The following CNTN4 variants were observed in gnomAD, a reference collection of about 807,000 sequenced individuals.
The protein encoded by CNTN4 is contactin 4, also known as contactin-4.
CNTN4 carries 77 observed loss-of-function variants against 122.5 expected under a neutral mutation model. That is an observed-to-expected ratio of 0.63 (90% CI 0.52 to 0.76). CNTN4 has a LOEUF of 0.76. Ranked by LOEUF, CNTN4 falls within the 30% of genes least tolerant of loss-of-function variation. The pLI is 0.00. For synonymous variants in CNTN4, 512 were observed against 447.0 expected (o/e 1.15, Z -1.83); for missense variants, 1,256 against 1,259.1 (o/e 1.00, Z 0.04).
chr3:2,105,715 A>G (rs1559245575), intron 2 of CNTN4, among the ~76,000 whole-genome samples: 1 of 152,242 alleles, frequency 6.6e-6, no homozygotes, highest in African/African-American at 2.4e-5. Context: ...GAGCCAAACC[A>G]TATCATTCTG....
chr3:2,528,893 ATTAAG>A (rs2077495646), intron 3 of CNTN4, among the ~76,000 whole-genome samples: 1 of 152,090 alleles, frequency 6.6e-6, no homozygotes, highest in Non-Finnish European at 1.5e-5. Context: ...ATATATAGTG[ATTAAG>A]TTAGGTTAAT....
intron 2 of CNTN4, among the ~76,000 whole-genome samples, chr3:2,281,756 A>C (rs2149901104): frequency 6.6e-6 from 1 of 152,184 alleles, no homozygotes; most frequent in Non-Finnish European, 1.5e-5. Context: ...TAGTATAATT[A>C]TAGGAATTAA....
chr3:2,989,092 T>G (rs1030185586), intron 14 of CNTN4: 2 of 152,714 alleles, frequency 1.3e-5, no homozygotes, highest in African/African-American at 4.8e-5. Context: ...TGAGTGAAAC[T>G]ATTTCAATAT....
intron 14 of CNTN4, among the ~76,000 whole-genome samples, chr3:3,016,634 A>G (rs946933002): frequency 2.0e-4 from 30 of 152,196 alleles, no homozygotes; most frequent in African/African-American, 7.0e-4. Flanking sequence ...AGAGCATTCG[A>G]GCATCATTAG....
chr3:2,565,691 G>T lies in CNTN4; in HGVS notation c.-88-5725G>T, dbSNP rs183453129. ...GACATTCAACAAATATCTATTGACT[G>T]ATTGAACATTAAGATTTTACTGTAT... is the stretch of plus-strand genomic sequence containing the variant. On this transcript the variant is annotated intron_variant, in intron 3 of 24. Transcript: ENST00000418658. Among the ~76,000 whole-genome samples, 531 of 152,260 alleles carry T rather than the reference G, an allele frequency of 3.5e-3. 3 individuals carry two copies. The highest frequency in any genetic ancestry group is 0.012 in the African/African-American group (507 of 41,540).
At chr3:3,053,039 G>A (rs1007752832) in intron 23 of CNTN4, among the ~76,000 whole-genome samples, 3 of 152,108 alleles carry the variant, frequency 2.0e-5, no homozygotes, top group Non-Finnish European at 2.9e-5. Context: ...GCAATCTTTT[G>A]TATTTTTATA....
At chr3:2,883,610 A>G (rs553608670) in intron 9 of CNTN4, among the ~76,000 whole-genome samples, 3 of 152,348 alleles carry the variant, frequency 2.0e-5, no homozygotes, top group African/African-American at 7.2e-5. Context: ...GTGGAAAAAT[A>G]CGGACTTTCA....
intron 6 of CNTN4, among the ~76,000 whole-genome samples, chr3:2,816,820 CA>C (rs538762827): frequency 0.22 from 15,832 of 72,786 alleles, 428 homozygotes; most frequent in Middle Eastern, 0.25. Flanking sequence ...ACTCTGTCTC[CA>C]AAAAAAAAAA....
chr3:2,749,987 CT>C (rs1383570847), intron 6 of CNTN4, among the ~76,000 whole-genome samples: 1 of 152,188 alleles, frequency 6.6e-6, no homozygotes, highest in Non-Finnish European at 1.5e-5. Flanking sequence ...TTTGGCCACA[CT>C]TACTGCACTA....
intron 2 of CNTN4, among the ~76,000 whole-genome samples, chr3:2,117,342 C>T (rs1303840926): frequency 4.6e-5 from 7 of 152,212 alleles, no homozygotes; most frequent in Non-Finnish European, 7.3e-5. Flanking sequence ...AGGCCCCACA[C>T]TGGGCCTTTC....
intron 3 of CNTN4, among the ~76,000 whole-genome samples, chr3:2,427,889 G>C (rs1004148724): frequency 2.6e-4 from 40 of 151,028 alleles, no homozygotes; most frequent in African/African-American, 9.5e-4. Context: ...GACTAAGATT[G>C]CAACCCCTGC....
intron 2 of CNTN4, among the ~76,000 whole-genome samples, chr3:2,156,285 G>C (rs2149147582): frequency 6.6e-6 from 1 of 152,334 alleles, no homozygotes. Context: ...AACCTTGGAA[G>C]CCCAAGTGCT....
chr3:2,947,592 T>G (rs948193617), intron 13 of CNTN4, among the ~76,000 whole-genome samples: 3 of 152,262 alleles, frequency 2.0e-5, no homozygotes, highest in African/African-American at 7.2e-5. Context: ...CCCTGGAGAT[T>G]GTACTAATCT....
intron 2 of CNTN4, among the ~76,000 whole-genome samples, chr3:2,239,393 C>G (rs1379255863): frequency 6.6e-6 from 1 of 152,142 alleles, no homozygotes; most frequent in Non-Finnish European, 1.5e-5. Flanking sequence ...GATACATGCA[C>G]AGACACACAT....
chr3:2,245,511 C>T (rs1178183886), intron 2 of CNTN4, among the ~76,000 whole-genome samples: 2 of 152,030 alleles, frequency 1.3e-5, no homozygotes, highest in South Asian at 2.1e-4. Context: ...TCCTGCTATA[C>T]TTAATTTTCC....
intron 4 of CNTN4, among the ~76,000 whole-genome samples, chr3:2,719,671 GCTTGGGCCTCCCAA>G (rs2087719452): frequency 6.6e-6 from 1 of 152,078 alleles, no homozygotes; most frequent in African/African-American, 2.4e-5. Flanking sequence ...CGATCCGCCT[GCTTGGGCCTCCCAA>G]AGTGCTAGGA....
chr3:2,143,707 T>G (rs571012681), intron 2 of CNTN4, among the ~76,000 whole-genome samples: 1 of 152,332 alleles, frequency 6.6e-6, no homozygotes, highest in African/African-American at 2.4e-5. Flanking sequence ...ATCTCTGATT[T>G]GTAGATGAAG....
intron 2 of CNTN4, among the ~76,000 whole-genome samples, chr3:2,218,373 A>G (rs981954698): frequency 6.6e-6 from 1 of 152,186 alleles, no homozygotes; most frequent in African/African-American, 2.4e-5. Context: ...GCATAAGTCT[A>G]GCTAGGCATG....
intron 4 of CNTN4, among the ~76,000 whole-genome samples, chr3:2,702,638 T>C (rs923992255): frequency 6.6e-6 from 1 of 152,192 alleles, no homozygotes; most frequent in African/African-American, 2.4e-5. Flanking sequence ...TAAAGTGTTC[T>C]AGGACATCTT....
Sources: allele counts gnomAD v4.1 joint callset (sites outside exome capture counted in the v4.1 genomes callset), GRCh38; gene constraint gnomAD v4.1.1; transcripts MANE v1.5; gene names NCBI Gene and HGNC (gene_info 2026-07-23, HGNC 2026-07-21).